Variants in CNTNAP2 observed in about 807,000 individuals in gnomAD.
CNTNAP2 encodes the protein contactin associated protein 2, also known as contactin-associated protein-like 2.
Under a neutral mutation model 155.2 loss-of-function variants are expected in CNTNAP2, and 98 were observed. That is an observed-to-expected ratio of 0.63 (90% CI 0.54 to 0.75). The LOEUF (loss-of-function observed/expected upper bound fraction) is 0.75. CNTNAP2 is among the 30% of genes least tolerant of loss of function. The probability of loss-of-function intolerance (pLI) is 0.00; values close to 1 mark genes in which losing one functional copy is unlikely to be tolerated. For missense variants in CNTNAP2, 1,727 were observed against 1,688.1 expected (o/e 1.02, Z -0.40); for synonymous variants, 651 against 631.2 (o/e 1.03, Z -0.47).
chr7:147,868,657 C>T (rs1799273661), intron 13 of CNTNAP2, among the ~76,000 whole-genome samples: 1 of 152,220 alleles, frequency 6.6e-6, no homozygotes, highest in Non-Finnish European at 1.5e-5. Flanking sequence ...ACTTCGTTTA[C>T]CTACTCAAGC....
At chr7:146,172,106 T>C (rs1281853537) in intron 1 of CNTNAP2, among the ~76,000 whole-genome samples, 1 of 151,440 alleles carries the variant, frequency 6.6e-6, no homozygotes, top group Non-Finnish European at 1.5e-5. Flanking sequence ...TTCTTTTTTT[T>C]GTTACCAGTT....
intron 14 of CNTNAP2, among the ~76,000 whole-genome samples, chr7:147,942,889 T>C (rs903458615): frequency 6.6e-6 from 1 of 152,004 alleles, no homozygotes; most frequent in Non-Finnish European, 1.5e-5. Context: ...TAAAAAAACT[T>C]ATCTGGGTGT....
intron 20 of CNTNAP2, among the ~76,000 whole-genome samples, chr7:148,265,427 C>T (rs1796650176): frequency 6.6e-6 from 1 of 152,118 alleles, no homozygotes. Context: ...GTGCACACCA[C>T]CACACCCAGC....
intron 1 of CNTNAP2, among the ~76,000 whole-genome samples, chr7:146,693,389 A>T (rs577100897): frequency 1.3e-5 from 2 of 152,084 alleles, no homozygotes; most frequent in African/African-American, 4.8e-5. Flanking sequence ...AAAATTTTAT[A>T]ACTCCATTAA....
chr7:148,309,421 C>CA (rs1455655250), intron 21 of CNTNAP2, among the ~76,000 whole-genome samples: 4 of 152,182 alleles, frequency 2.6e-5, no homozygotes, highest in African/African-American at 9.7e-5. Context: ...AATTTTCACT[C>CA]ACGTCTGTGT....
intron 12 of CNTNAP2, among the ~76,000 whole-genome samples, chr7:147,627,618 G>A (rs868290027): frequency 2.0e-5 from 3 of 149,662 alleles, no homozygotes; most frequent in African/African-American, 7.4e-5. Flanking sequence ...CTTGAACCTG[G>A]GAGGCGGAGG....
intron 13 of CNTNAP2, among the ~76,000 whole-genome samples, chr7:147,711,717 A>G (rs73166209): frequency 6.6e-6 from 1 of 152,154 alleles, no homozygotes; most frequent in Non-Finnish European, 1.5e-5. Flanking sequence ...ACACTCAAAG[A>G]TTCCATTTTT....
chr7:147,676,984 TA>T (rs1169831287), intron 13 of CNTNAP2, among the ~76,000 whole-genome samples: 1 of 151,990 alleles, frequency 6.6e-6, no homozygotes, highest in Non-Finnish European at 1.5e-5. Flanking sequence ...AGAATGTAGA[TA>T]TCTCTTTGAC....
At chr7:146,944,848 G>A (rs961546045) in intron 3 of CNTNAP2, among the ~76,000 whole-genome samples, 2 of 151,728 alleles carry the variant, frequency 1.3e-5, no homozygotes, top group African/African-American at 2.4e-5. Flanking sequence ...ACTGCACTCT[G>A]GCCTGGGCGA....
chr7:147,412,596 G>C (rs1462835966), intron 10 of CNTNAP2, among the ~76,000 whole-genome samples: 8 of 152,182 alleles, frequency 5.3e-5, no homozygotes, highest in African/African-American at 1.9e-4. Flanking sequence ...GCCTAACACA[G>C]TGCTTGATAC....
At chr7:148,268,678 T>C (rs1032653407) in intron 21 of CNTNAP2, among the ~76,000 whole-genome samples, 2 of 141,260 alleles carry the variant, frequency 1.4e-5, no homozygotes, top group Non-Finnish European at 1.6e-5. Flanking sequence ...ATAATAATAA[T>C]GTGCACTTAT....
At chr7:147,508,024 A>G (rs557310780) in intron 11 of CNTNAP2, among the ~76,000 whole-genome samples, 25 of 152,040 alleles carry the variant, frequency 1.6e-4, no homozygotes, top group African/African-American at 5.8e-4. Flanking sequence ...CCTTCTCAAC[A>G]TATGCACTTA....
intron 16 of CNTNAP2, among the ~76,000 whole-genome samples, chr7:148,120,717 G>A (rs188560079): frequency 6.6e-6 from 1 of 152,186 alleles, no homozygotes; most frequent in Admixed American, 6.5e-5. Flanking sequence ...CCTTTACTCT[G>A]GGCAAAAACA....
chr7:147,489,796 C>T (rs1987479), intron 11 of CNTNAP2, among the ~76,000 whole-genome samples: 108,796 of 151,914 alleles, frequency 0.72, 39,370 homozygotes, highest in African/African-American at 0.81. Flanking sequence ...TTTGTATTTT[C>T]AGTATAAATG....
At chr7:147,770,474 G>A (rs545797204) in intron 13 of CNTNAP2, among the ~76,000 whole-genome samples, 99 of 152,226 alleles carry the variant, frequency 6.5e-4, no homozygotes, top group African/African-American at 2.1e-3. Context: ...TGCGCTAATG[G>A]CGATAAAGAG....
intron 13 of CNTNAP2, among the ~76,000 whole-genome samples, chr7:147,897,418 G>A (rs1425738965): frequency 5.9e-5 from 9 of 152,090 alleles, no homozygotes; most frequent in Admixed American, 2.0e-4. Context: ...ACAGGTGCCC[G>A]ATTTGTTTCT....
rs182285812 is a variant in CNTNAP2 at position 147,232,741 on chromosome 7, G to A, written c.1349-67400G>A. ...AACCATAATATTCCTAGAAAAAAAC[G>A]TAGGGGGAAACTTTCTGACATTGAT... On this transcript the variant is annotated intron_variant, in intron 8 of 23. Transcript: ENST00000361727. Among the ~76,000 whole-genome samples, 11 of 152,230 alleles carry A rather than the reference G, an allele frequency of 7.2e-5. No homozygotes were observed. The East Asian group carries it at 7.7e-4, about 11-fold the overall frequency.
intron 16 of CNTNAP2, among the ~76,000 whole-genome samples, chr7:148,125,655 C>CTGTGTGTGTGTGTG (rs763817928): frequency 2.9e-5 from 4 of 136,378 alleles, no homozygotes; most frequent in African/African-American, 1.1e-4. Flanking sequence ...TATTATAAAA[C>CTGTGTGTGTGTGTG]TGTGTGTGTG....
At chr7:146,951,660 T>G (rs1216343722) in intron 3 of CNTNAP2, among the ~76,000 whole-genome samples, 1 of 152,192 alleles carries the variant, frequency 6.6e-6, no homozygotes, top group Non-Finnish European at 1.5e-5. Flanking sequence ...TATATGTCTG[T>G]TTTGTTACCA....
Sources: gnomAD v4.1 joint callset for allele counts (sites outside exome capture counted in the v4.1 genomes callset) on GRCh38, gnomAD v4.1.1 for gene constraint, MANE v1.5 for transcripts, NCBI Gene and HGNC (gene_info 2026-07-23, HGNC 2026-07-21) for gene names.